FGF12: variants seen among roughly 807,000 people sequenced by gnomAD.
The protein encoded by FGF12 is fibroblast growth factor 12B.
A neutral mutation model predicts 23.6 loss-of-function variants in FGF12; 14 were observed. The ratio of observed to expected loss-of-function variants is 0.59; its 90% CI spans 0.39 to 0.93. The LOEUF (loss-of-function observed/expected upper bound fraction) is 0.93. FGF12 is among the 40% of genes least tolerant of loss of function. FGF12 has a pLI of 0.00. For synonymous variants in FGF12, 62 were observed against 77.3 expected, an observed-to-expected ratio of 0.80 and a Z score of 1.04; for missense variants, 175 against 217.8, an observed-to-expected ratio of 0.80 and a Z score of 1.24.
intron 5 of FGF12, among the ~76,000 whole-genome samples, chr3:192,165,311 T>TA (rs35624911): frequency 0.12 from 17,602 of 148,992 alleles, 1,123 homozygotes; most frequent in African/African-American, 0.17. Context: ...ATCCCTTCAT[T>TA]AAAAAAAAAA....
chr3:192,212,426 G>C (rs1290880730), intron 4 of FGF12, among the ~76,000 whole-genome samples: 2 of 152,264 alleles, frequency 1.3e-5, no homozygotes, highest in East Asian at 1.9e-4. Flanking sequence ...AATGTGTTAT[G>C]TAAAACGGTG....
chr3:192,520,012 C>A (rs751649513), intron 2 of FGF12, among the ~76,000 whole-genome samples: 4 of 152,166 alleles, frequency 2.6e-5, no homozygotes, highest in South Asian at 4.1e-4. Context: ...GCCCTGGATT[C>A]AAATGATTGC....
At chr3:192,172,208 G>T (rs537771284) in intron 4 of FGF12, among the ~76,000 whole-genome samples, 2 of 139,400 alleles carry the variant, frequency 1.4e-5, no homozygotes, top group South Asian at 4.6e-4. Flanking sequence ...GGCCAACATG[G>T]TGAAACCCCG....
chr3:192,557,715 T>C (rs1711847332), intron 2 of FGF12, among the ~76,000 whole-genome samples: 1 of 151,856 alleles, frequency 6.6e-6, no homozygotes, highest in Non-Finnish European at 1.5e-5. Flanking sequence ...GAATCATGTA[T>C]TTATTACCAG....
intron 2 of FGF12, among the ~76,000 whole-genome samples, chr3:192,429,841 A>G (rs1721808251): frequency 1.3e-5 from 2 of 152,288 alleles, no homozygotes; most frequent in Non-Finnish European, 2.9e-5. Flanking sequence ...TCTCAAGGAA[A>G]AACAATAAGG....
At chr3:192,549,224 A>G (rs1006208750) in intron 2 of FGF12, among the ~76,000 whole-genome samples, 2 of 152,238 alleles carry the variant, frequency 1.3e-5, no homozygotes, top group African/African-American at 2.4e-5. Flanking sequence ...GAGAAAACCA[A>G]TATGACCTGA....
intron 2 of FGF12, among the ~76,000 whole-genome samples, chr3:192,439,869 T>C (rs1373381188): frequency 1.3e-5 from 2 of 150,896 alleles, no homozygotes; most frequent in Non-Finnish European, 3.0e-5. Flanking sequence ...CCCAGCTACT[T>C]GGGAGGCTGA....
At chr3:192,307,641 T>C (rs983360470) in intron 4 of FGF12, among the ~76,000 whole-genome samples, 18 of 152,174 alleles carry the variant, frequency 1.2e-4, no homozygotes, top group African/African-American at 4.3e-4. Context: ...GCACTGAGGT[T>C]GGGCTTTAAG....
At chr3:192,711,532 G>A (rs914029196) in intron 2 of FGF12, among the ~76,000 whole-genome samples, 9 of 152,216 alleles carry the variant, frequency 5.9e-5, no homozygotes, top group African/African-American at 1.4e-4. Context: ...AAAAGATAGA[G>A]AAATCAGATT....
At chr3:192,190,786 T>C (rs368050774) in intron 4 of FGF12, among the ~76,000 whole-genome samples, 97 of 152,336 alleles carry the variant, frequency 6.4e-4, no homozygotes, top group African/African-American at 2.2e-3. Flanking sequence ...CAATACTCTT[T>C]TTGAATTATT....
intron 2 of FGF12, among the ~76,000 whole-genome samples, chr3:192,576,940 G>A (rs1480359443): frequency 6.6e-6 from 1 of 152,066 alleles, no homozygotes; most frequent in Non-Finnish European, 1.5e-5. Context: ...CATCATTCTT[G>A]GCAAACTAAC....
chr3:192,167,769 A>ATATATATATATATATATATATATAT (rs1553845519), intron 5 of FGF12, among the ~76,000 whole-genome samples: 1 of 38,862 alleles, frequency 2.6e-5, no homozygotes, highest in Admixed American at 4.1e-4. Flanking sequence ...ATATATATAT[A>ATATATATATATATATATATATATAT]AAATTTTTTT....
intron 5 of FGF12, among the ~76,000 whole-genome samples, chr3:192,162,260 A>G (rs1714922699): frequency 6.6e-6 from 1 of 152,060 alleles, no homozygotes; most frequent in African/African-American, 2.4e-5. Flanking sequence ...TCCTTTTGGA[A>G]CTCTGGGAGA....
rs776778442 is a variant in FGF12 at position 192,360,642 on chromosome 3, T to G, written c.14-104A>C. The G allele has an allele frequency of 2.5e-4, 191 of 755,940 alleles. No homozygotes were observed. The highest frequency in any genetic ancestry group is 3.9e-4 in the Non-Finnish European group (169 of 430,528). The allele number at this position is 755,940 out of a possible 1,614,324, so 46.8% of individuals were successfully genotyped here. On this transcript the variant is annotated intron_variant, in intron 2 of 5. Transcript: ENST00000445105. This position sits in a 1 kb window ranked among gnomAD's most constrained non-coding sequence, Gnocchi z 4.3. ...AAGTAAATACGTAAATGCCAATAGCTTAAATATTGAATTATGTATTTGGGA... is the reference window on the plus strand; with the variant it reads ...AAGTAAATACGTAAATGCCAATAGCGTAAATATTGAATTATGTATTTGGGA...
chr3:192,653,276 A>G (rs2366850), intron 2 of FGF12, among the ~76,000 whole-genome samples: 86,738 of 151,986 alleles, frequency 0.57, 25,151 homozygotes, highest in East Asian at 0.67. Context: ...AGTGGTGACG[A>G]GAAATAAGTC....
At chr3:192,519,931 T>A (rs919120680) in intron 2 of FGF12, among the ~76,000 whole-genome samples, 3 of 152,228 alleles carry the variant, frequency 2.0e-5, no homozygotes, top group Admixed American at 2.0e-4. Context: ...ATACCCCAAT[T>A]GTTTTTTAGC....
At chr3:192,707,788 C>A (rs914110745) in intron 2 of FGF12, among the ~76,000 whole-genome samples, 2 of 137,694 alleles carry the variant, frequency 1.5e-5, no homozygotes, top group African/African-American at 5.4e-5. Flanking sequence ...AGAATGTTTT[C>A]TTTTCTTTTT....
intron 2 of FGF12, among the ~76,000 whole-genome samples, chr3:192,718,161 C>CTTTTTTTTTT (rs71177369): frequency 2.4e-4 from 19 of 77,968 alleles, no homozygotes; most frequent in African/African-American, 8.8e-4. Context: ...GTTAGTCTTT[C>CTTTTTTTTTT]TTTTTTTTTT....
At chr3:192,718,161 C>CTTTTTTTTTTTTTTTTTTTTTTTTTT (rs71177369) in intron 2 of FGF12, among the ~76,000 whole-genome samples, 1 of 77,970 alleles carries the variant, frequency 1.3e-5, no homozygotes, top group African/African-American at 4.9e-5. Context: ...GTTAGTCTTT[C>CTTTTTTTTTTTTTTTTTTTTTTTTTT]TTTTTTTTTT....
Sources: gnomAD v4.1 joint callset for allele counts (sites outside exome capture counted in the v4.1 genomes callset) on GRCh38, gnomAD v4.1.1 for gene constraint, Gnocchi (gnomAD v3.1) non-coding constraint, MANE v1.5 for transcripts, NCBI Gene and HGNC (gene_info 2026-07-23, HGNC 2026-07-21) for gene names.